The following OPCML variants were observed in gnomAD, a reference collection of about 807,000 sequenced individuals.
OPCML encodes the protein opioid binding protein/cell adhesion molecule like.
A neutral mutation model predicts 37.8 loss-of-function variants in OPCML; 13 were observed. That is an observed-to-expected ratio of 0.34 (90% CI 0.22 to 0.55). The LOEUF (loss-of-function observed/expected upper bound fraction) is 0.55, where lower values mean the gene tolerates loss of function less well. Ranked by LOEUF, OPCML falls within the 20% of genes least tolerant of loss-of-function variation. The pLI is 0.91. For synonymous variants in OPCML, 176 were observed against 168.8 expected (o/e 1.04, Z -0.33); for missense variants, 341 against 435.6 (o/e 0.78, Z 1.93).
At chr11:132,542,221 A>G (rs2137375925) in intron 3 of OPCML, among the ~76,000 whole-genome samples, 1 of 152,276 alleles carries the variant, frequency 6.6e-6, no homozygotes, top group South Asian at 2.1e-4. Flanking sequence ...GGGAAGGCAG[A>G]CGTGGAAAGA....
chr11:132,543,054 T>C (rs2096360725), intron 3 of OPCML, among the ~76,000 whole-genome samples: 1 of 119,498 alleles, frequency 8.4e-6, no homozygotes, highest in African/African-American at 3.3e-5. Context: ...ATCTTGTCTA[T>C]TGTGGGAAGA....
At chr11:133,398,039 G>A (rs535881330) in intron 1 of OPCML, among the ~76,000 whole-genome samples, 29 of 152,146 alleles carry the variant, frequency 1.9e-4, no homozygotes, top group South Asian at 6.2e-4. Flanking sequence ...CCCTCTTGTC[G>A]CCAAGGGCAA....
At chr11:132,908,963 C>A (rs1944334199) in intron 2 of OPCML, among the ~76,000 whole-genome samples, 1 of 152,182 alleles carries the variant, frequency 6.6e-6, no homozygotes, top group Non-Finnish European at 1.5e-5. Context: ...TCACAGGTTC[C>A]TCAAGCCCTG....
intron 1 of OPCML, among the ~76,000 whole-genome samples, chr11:132,953,709 G>A (rs1945913252): frequency 6.6e-6 from 1 of 152,190 alleles, no homozygotes; most frequent in Non-Finnish European, 1.5e-5. Context: ...AGAACCCAGA[G>A]TGTGGAGGAG....
At chr11:132,487,586 G>A (rs776075704) in intron 4 of OPCML, among the ~76,000 whole-genome samples, 5 of 152,092 alleles carry the variant, frequency 3.3e-5, no homozygotes, top group Admixed American at 6.5e-5. Flanking sequence ...GCTTCCCTTA[G>A]TAGACTCTCC....
chr11:133,366,913 C>T (rs7929958), intron 1 of OPCML, among the ~76,000 whole-genome samples: 61,526 of 152,086 alleles, frequency 0.4, 13,252 homozygotes, highest in East Asian at 0.66. Flanking sequence ...GGACACCCAG[C>T]GGGACAACCC....
intron 4 of OPCML, among the ~76,000 whole-genome samples, chr11:132,501,280 G>A (rs970040027): frequency 3.3e-5 from 5 of 152,072 alleles, no homozygotes; most frequent in Admixed American, 6.6e-5. Flanking sequence ...AAAAACCCTC[G>A]AAGAAAAACC....
At chr11:132,601,972 A>G (rs756970429) in intron 3 of OPCML, among the ~76,000 whole-genome samples, 19 of 152,154 alleles carry the variant, frequency 1.2e-4, no homozygotes, top group Non-Finnish European at 2.9e-5. Flanking sequence ...TGCATTCTCT[A>G]TTCCCTCCAG....
intron 1 of OPCML, among the ~76,000 whole-genome samples, chr11:132,950,868 G>A (rs114522831): frequency 6.6e-6 from 1 of 152,254 alleles, no homozygotes; most frequent in African/African-American, 2.4e-5. Context: ...AACATTGTTT[G>A]GAGATGAGGC....
chr11:133,420,068 G>A lies in OPCML; in HGVS notation c.61+112196C>T, dbSNP rs77373706. 6.7e-3 allele frequency among the ~76,000 whole-genome samples: 1,026 copies of A among 152,210 alleles called. 18 individuals carry two copies. The highest frequency in any genetic ancestry group is 0.024 in the African/African-American group (996 of 41,520). On this transcript the variant is annotated intron_variant, in intron 1 of 7. Transcript: ENST00000524381. ...CTATGAGAATCAATTAAGCTTTACC[G>A]AATTTCCAGTAAAGAATATTGTGGA... is the stretch of plus-strand genomic sequence containing the variant.
intron 1 of OPCML, among the ~76,000 whole-genome samples, chr11:133,445,635 G>C (rs1946459191): frequency 1.3e-5 from 2 of 152,156 alleles, no homozygotes; most frequent in Admixed American, 6.5e-5. Flanking sequence ...TTTAACTTCA[G>C]TTGGATCCAA....
chr11:133,178,010 C>T (rs1011853704), intron 1 of OPCML, among the ~76,000 whole-genome samples: 3 of 152,184 alleles, frequency 2.0e-5, no homozygotes, highest in African/African-American at 7.2e-5. Context: ...TTTGTCAATA[C>T]ACATATTCCA....
intron 1 of OPCML, among the ~76,000 whole-genome samples, chr11:133,450,996 A>C (rs1946570257): frequency 6.6e-6 from 1 of 151,826 alleles, no homozygotes; most frequent in African/African-American, 2.4e-5. Flanking sequence ...ATGTATATGC[A>C]ATCTATGTAA....
intron 3 of OPCML, among the ~76,000 whole-genome samples, chr11:132,635,732 A>G (rs1006314323): frequency 6.6e-6 from 1 of 152,206 alleles, no homozygotes; most frequent in Admixed American, 6.5e-5. Context: ...TGCTGTCAAC[A>G]AGCAGCACTT....
intron 1 of OPCML, among the ~76,000 whole-genome samples, chr11:133,498,458 G>C (rs1040492193): frequency 1.3e-5 from 2 of 152,178 alleles, no homozygotes; most frequent in Middle Eastern, 3.2e-3. Flanking sequence ...GTCAGAACTA[G>C]AGCAATCCCA....
chr11:133,315,874 AT>A (rs1335852444), intron 1 of OPCML, among the ~76,000 whole-genome samples: 1 of 152,158 alleles, frequency 6.6e-6, no homozygotes, highest in Non-Finnish European at 1.5e-5. Context: ...TACCTTCATC[AT>A]CAGTGAACTA....
chr11:132,914,785 C>A (rs1386618877), intron 2 of OPCML, among the ~76,000 whole-genome samples: 1 of 152,280 alleles, frequency 6.6e-6, no homozygotes, highest in Non-Finnish European at 1.5e-5. Context: ...AACCAGAGCC[C>A]CAAGGAGCTG....
At chr11:132,965,690 G>A (rs888180075) in intron 1 of OPCML, among the ~76,000 whole-genome samples, 4 of 151,960 alleles carry the variant, frequency 2.6e-5, no homozygotes, top group Non-Finnish European at 5.9e-5. Context: ...GGGCCACCAC[G>A]CCCAGCTAAT....
intron 1 of OPCML, among the ~76,000 whole-genome samples, chr11:133,340,478 A>G (rs1300765329): frequency 6.6e-6 from 1 of 151,790 alleles, no homozygotes; most frequent in Non-Finnish European, 1.5e-5. Context: ...GCTGATCCCT[A>G]TATAACTATT....
Sources: gnomAD v4.1 joint callset for allele counts (sites outside exome capture counted in the v4.1 genomes callset) on GRCh38, gnomAD v4.1.1 for gene constraint, MANE v1.5 for transcripts, NCBI Gene and HGNC (gene_info 2026-07-23, HGNC 2026-07-21) for gene names.